LIG1: variants seen among roughly 807,000 people sequenced by gnomAD.
The protein encoded by LIG1 is DNA ligase 1.
In LIG1, 70 loss-of-function variants were observed where a neutral mutation model predicts 115.7. The ratio of observed to expected loss-of-function variants is 0.60; its 90% CI spans 0.50 to 0.74. The LOEUF is 0.74. Ranked by LOEUF, LIG1 falls within the 30% of genes least tolerant of loss-of-function variation. The probability of loss-of-function intolerance (pLI) is 0.00; values close to 1 mark genes in which losing one functional copy is unlikely to be tolerated. For synonymous variants in LIG1, 487 were observed against 495.3 expected (o/e 0.98, Z 0.22); for missense variants, 1,115 against 1,225.6 (o/e 0.91, Z 1.35).
At chr19:48,156,961 A>T in intron 5 of LIG1, 53 bp downstream of exon 5, 5 of 1,337,026 alleles carry the variant, frequency 3.7e-6, no homozygotes, top group African/African-American at 1.7e-5. Flanking sequence ...AAAAAAAAAA[A>T]AGAGAAAAAG....
chr19:48,128,663 C>A lies in LIG1; in HGVS notation c.1822-643G>T, dbSNP rs143390516. On this transcript the variant is annotated intron_variant, in intron 19 of 27. Coordinates refer to ENST00000263274, the MANE Select transcript of LIG1 (RefSeq NM_000234.3). ...TGCCCCTGTCTGTCTCCTCCACTGG[C>A]AAGCCTTCTTTTCCCTCAAGGGAAC... 6.4e-4 allele frequency among the ~76,000 whole-genome samples: 98 copies of A among 152,364 alleles called. 1 individual carries two copies. Among genetic ancestry groups the A allele is most frequent in the African/African-American group, 2.2e-3 (93 of 41,590 alleles).
intron 1 of LIG1, among the ~76,000 whole-genome samples, chr19:48,166,893 C>T (rs1351616952): frequency 6.7e-6 from 1 of 150,122 alleles, no homozygotes; most frequent in Non-Finnish European, 1.5e-5. Flanking sequence ...ATCACTTGAA[C>T]CCAGGAAGTG....
At position 48,137,043 on chromosome 19, in the gene LIG1, C is replaced by G. The variant is rs1873806790; in HGVS notation, c.1296G>C (p.Val432=). ...ACCGGGCTTCTGAGTGGCGGCAGGC[C>G]ACAAAGAGGCCTTTGATGATGTCTA... The part of the protein sequence containing the change: ...KKIDIIKGLF[V]ACRHSEARFI... Residue 432 remains valine, a synonymous_variant, in exon 14 of 28, where the codon GTG becomes GTC. Transcript: ENST00000263274. The surrounding 1 kb of genome is among the most constrained non-coding windows in gnomAD (Gnocchi z 4.3). The G allele has an allele frequency of 6.2e-7, 1 of 1,612,274 alleles. No individual in the cohort carries two copies. Among genetic ancestry groups the G allele is most frequent in the South Asian group, 1.1e-5 (1 of 90,634 alleles).
rs751225141 is a variant in LIG1 at position 48,137,691 on chromosome 19, T to A, written c.1088-3A>T. On this transcript the variant is annotated splice_polypyrimidine_tract_variant and splice_region_variant and intron_variant, in intron 12 of 27. Coordinates refer to ENST00000263274, the MANE Select transcript of LIG1 (RefSeq NM_000234.3). This position sits in a 1 kb window ranked among gnomAD's most constrained non-coding sequence, Gnocchi z 4.3. ...CCGGACGGACTCCAGCTGCCGACCT[T>A]CAGGGGAGAGCGCGGGTGGGGGTGT... The A allele has an allele frequency of 1.4e-5, 22 of 1,602,398 alleles. No individual in the cohort carries two copies. The Admixed American group carries it at 2.3e-4, about 17-fold the overall frequency.
intron 20 of LIG1, chr19:48,127,560 C>T (rs2033753043): frequency 1.6e-6 from 1 of 614,638 alleles, no homozygotes; most frequent in African/African-American, 1.8e-5. Context: ...CAGATATTTG[C>T]TCTCCTAGAC....
chr19:48,158,271 A>G (rs1341550744), intron 4 of LIG1, among the ~76,000 whole-genome samples: 1 of 152,172 alleles, frequency 6.6e-6, no homozygotes, highest in Non-Finnish European at 1.5e-5. Context: ...CATCCACTTA[A>G]TGTTGAGTGG....
intron 18 of LIG1, among the ~76,000 whole-genome samples, chr19:48,131,552 G>A (rs1473337326): frequency 1.3e-5 from 2 of 152,134 alleles, no homozygotes; most frequent in Non-Finnish European, 2.9e-5. Flanking sequence ...TCCACCTCCC[G>A]GGTTCAAGAG....
At chr19:48,123,797 CAA>C (rs2033470109) in intron 21 of LIG1, among the ~76,000 whole-genome samples, 1 of 150,952 alleles carries the variant, frequency 6.6e-6, no homozygotes, top group Admixed American at 6.6e-5. Flanking sequence ...CTCAGCCTCC[CAA>C]AGTGTTGGGA....
At position 48,161,530 on chromosome 19, in the gene LIG1, T is replaced by C. The variant is rs201738693; in HGVS notation, c.108-23A>G. 86 of 1,613,414 alleles carry C rather than the reference T, an allele frequency of 5.3e-5. No homozygotes were observed. The East Asian group carries it at 1.8e-3, about 33-fold the overall frequency. On this transcript the variant is annotated intron_variant, in intron 3 of 27. Coordinates refer to ENST00000263274, the MANE Select transcript of LIG1 (RefSeq NM_000234.3). ...GCCCTGGAAGGTGGGGAAATGGGGG[T>C]GTAAAGGGGCGACTACAGCAGGCAG...
At position 48,150,112 on chromosome 19, in the gene LIG1, G is replaced by A. The variant is rs1253897409; in HGVS notation, c.673C>T (p.Pro225Ser). 6.2e-7 allele frequency: 1 copy of A among 1,614,192 alleles called. No individual in the cohort carries two copies. The highest frequency in any genetic ancestry group is 1.7e-5 in the Admixed American group (1 of 60,020). ...EEQTKPPRRAPKTLSSFFTPR... is the reference protein window; with the variant it reads ...EEQTKPPRRASKTLSSFFTPR... Reference sequence around the variant, plus strand: ...CTGAAGAAGCTGCTGAGCGTCTTGGGAGCTCTGCGGGGAGGCTTGGTCTGC... The same window carrying A: ...CTGAAGAAGCTGCTGAGCGTCTTGGAAGCTCTGCGGGGAGGCTTGGTCTGC... The change falls in exon 8 of 28, where the codon CCC (proline) becomes TCC (serine). Residue 225 changes from proline to serine, a missense_variant. Pro to Ser is a moderately conservative substitution (Grantham distance 74). Coordinates refer to ENST00000263274, the MANE Select transcript of LIG1 (RefSeq NM_000234.3).
At position 48,161,416 on chromosome 19, in the gene LIG1, C is replaced by A; in HGVS notation, c.199G>T (p.Glu67Ter). Residue 67 changes from glutamate (E) to a stop codon, truncating the protein, a stop_gained, in exon 4 of 28, where the codon GAA becomes TAA. Transcript: ENST00000263274. LOFTEE classifies it high-confidence loss of function. ...GRKAARVLGS[E>*]GEEEDEALSP... ...AGGGCTTCATCCTCCTCTTCCCCTT[C>A]GCTGCCCAGGACCCGGGCCGCCTTC... 1 of 1,614,156 alleles carries A rather than the reference C, an allele frequency of 6.2e-7. No individual in the cohort carries two copies. The highest frequency in any genetic ancestry group is 8.5e-7 in the Non-Finnish European group (1 of 1,180,040).
intron 10 of LIG1, 41 bp downstream of exon 10, chr19:48,143,842 A>G (rs1024327077): frequency 6.6e-6 from 10 of 1,522,868 alleles, no homozygotes; most frequent in African/African-American, 1.4e-5. Context: ...CGGTGGCAAC[A>G]GGGACCGGAG....
At chr19:48,121,776 G>A (rs2122361219) in intron 23 of LIG1, among the ~76,000 whole-genome samples, 1 of 152,272 alleles carries the variant, frequency 6.6e-6, no homozygotes, top group Admixed American at 6.5e-5. Context: ...ACTCCAGCCT[G>A]GGCAATGAGA....
intron 2 of LIG1, among the ~76,000 whole-genome samples, chr19:48,163,231 T>G (rs2123045212): frequency 6.6e-6 from 1 of 151,804 alleles, no homozygotes; most frequent in East Asian, 1.9e-4. Context: ...AAAAATTTTT[T>G]TTTTTGAGAT....
At position 48,157,145 on chromosome 19, in the gene LIG1, A is replaced by T. The variant is rs759502876; in HGVS notation, c.244-5T>A. 3 of 1,609,114 alleles carry T rather than the reference A, an allele frequency of 1.9e-6. No homozygotes were observed. The highest frequency in any genetic ancestry group is 3.4e-5 in the Admixed American group (2 of 59,400). On this transcript the variant is annotated splice_polypyrimidine_tract_variant and splice_region_variant and intron_variant, in intron 4 of 27. Transcript: ENST00000263274. ...TGAGCAGTCCAGGGCAGGCTTCTGGAAGAGGAAAGAACAGTTCTAGAGTGA... is the reference window on the plus strand; with the variant it reads ...TGAGCAGTCCAGGGCAGGCTTCTGGTAGAGGAAAGAACAGTTCTAGAGTGA...
At chr19:48,146,700 G>A (rs1208765402) in intron 9 of LIG1, among the ~76,000 whole-genome samples, 5 of 152,180 alleles carry the variant, frequency 3.3e-5, no homozygotes, top group Non-Finnish European at 7.4e-5. Flanking sequence ...AAAAGCAGTC[G>A]TAGTATCACT....
intron 23 of LIG1, among the ~76,000 whole-genome samples, chr19:48,121,970 C>G (rs1007479295): frequency 2.6e-5 from 4 of 152,246 alleles, no homozygotes; most frequent in African/African-American, 9.6e-5. Flanking sequence ...GAAACGTTCA[C>G]TAAGTGCTAA....
At chr19:48,168,880 A>G (rs76852020) in intron 1 of LIG1, among the ~76,000 whole-genome samples, 1,637 of 152,276 alleles carry the variant, frequency 0.011, 31 homozygotes, top group Middle Eastern at 0.061. Flanking sequence ...AATACACTGA[A>G]AACCGCTGAC....
intron 9 of LIG1, 60 bp downstream of exon 9, chr19:48,149,703 C>A: frequency 2.2e-6 from 3 of 1,376,570 alleles, no homozygotes; most frequent in Non-Finnish European, 3.1e-6. Flanking sequence ...GTGGGGCTGT[C>A]GGAATGCAGA....
Sources: allele counts gnomAD v4.1 joint callset (sites outside exome capture counted in the v4.1 genomes callset), GRCh38; gene constraint gnomAD v4.1.1; non-coding constraint Gnocchi (gnomAD v3.1); transcripts MANE v1.5; gene names NCBI Gene and HGNC (gene_info 2026-07-23, HGNC 2026-07-21).